The following BNC2 variants were observed in gnomAD, a reference collection of about 807,000 sequenced individuals.
BNC2 encodes the protein basonuclin zinc finger protein 2, also known as zinc finger protein basonuclin-2.
In BNC2, 20 loss-of-function variants were observed where a neutral mutation model predicts 76.3. The ratio of observed to expected loss-of-function variants is 0.26; its 90% confidence interval spans 0.18 to 0.38. The LOEUF (loss-of-function observed/expected upper bound fraction) is 0.38. BNC2 is among the 10% of genes least tolerant of loss of function. The pLI, the probability that BNC2 is intolerant of heterozygous loss-of-function variation, is 1.00. For missense variants in BNC2, 1,382 were observed against 1,399.8 expected (o/e 0.99, Z 0.20); for synonymous variants, 582 against 514.8 (o/e 1.13, Z -1.77).
intron 4 of BNC2, among the ~76,000 whole-genome samples, chr9:16,582,281 C>T (rs1430371236): frequency 6.6e-6 from 1 of 152,102 alleles, no homozygotes. Context: ...AAACCATACA[C>T]AGGAATATGC....
chr9:16,511,091 G>A (rs1406780566), intron 5 of BNC2, among the ~76,000 whole-genome samples: 1 of 148,670 alleles, frequency 6.7e-6, no homozygotes, highest in Non-Finnish European at 1.5e-5. Context: ...AGCTAATGGA[G>A]ATCACTAAAC....
chr9:16,538,795 A>T (rs1307564937), intron 5 of BNC2, among the ~76,000 whole-genome samples: 1 of 152,210 alleles, frequency 6.6e-6, no homozygotes, highest in Non-Finnish European at 1.5e-5. Context: ...TACAACCAAG[A>T]CAGTTGAAAA....
chr9:16,855,884 G>A (rs1454021579), intron 1 of BNC2, among the ~76,000 whole-genome samples: 1 of 151,986 alleles, frequency 6.6e-6, no homozygotes, highest in East Asian at 1.9e-4. Context: ...GTACACAATT[G>A]TCTAATGTTG....
chr9:16,665,367 T>A (rs145500711), intron 3 of BNC2, among the ~76,000 whole-genome samples: 2,027 of 51,458 alleles, frequency 0.039, 80 homozygotes, highest in African/African-American at 0.15. Context: ...TGAACCTCTG[T>A]CTCAAAAAAA....
intron 1 of BNC2, among the ~76,000 whole-genome samples, chr9:16,755,427 T>C (rs923043372): frequency 2.0e-5 from 3 of 152,124 alleles, no homozygotes; most frequent in African/African-American, 7.2e-5. Flanking sequence ...TTAGCTACAT[T>C]ATCCAGGAAA....
Position 16,443,833 on chromosome 9 carries a change from G to A in BNC2, c.670-6309C>T, listed in dbSNP as rs191047530. On this transcript the variant is annotated intron_variant, in intron 5 of 6. Transcript: ENST00000380672. ...TAAAGTGGATTAGTAGTTGCCAGGGGAAAGGGACTGAGTGTAAAGCAACAC... is the reference window on the plus strand; with the variant it reads ...TAAAGTGGATTAGTAGTTGCCAGGGAAAAGGGACTGAGTGTAAAGCAACAC... Among the ~76,000 whole-genome samples the A allele has an allele frequency of 3.9e-5, 6 of 152,330 alleles. No individual in the cohort carries two copies. In the East Asian group the frequency reaches 1.2e-3, roughly 29 times the overall value.
chr9:16,856,737 A>G (rs1298502888), intron 1 of BNC2, among the ~76,000 whole-genome samples: 2 of 152,338 alleles, frequency 1.3e-5, no homozygotes, highest in East Asian at 1.9e-4. Flanking sequence ...AAGCCAATTC[A>G]GCCAAGTATG....
chr9:16,667,080 T>TACACAC lies in BNC2; in HGVS notation c.330+60711_330+60716dup, dbSNP rs139744564. ...AAAGCACACATCACTCAGATACACA[T>TACACAC]ACACACACACACACACACACACACA... On this transcript the variant is annotated intron_variant, in intron 3 of 6. Coordinates refer to ENST00000380672, the MANE Select transcript of BNC2 (RefSeq NM_017637.6). Among the ~76,000 whole-genome samples, 189 of 142,476 alleles carry TACACAC rather than the reference T, an allele frequency of 1.3e-3. 3 individuals carry two copies. In the East Asian group the frequency reaches 0.026, roughly 20 times the overall value. The allele number at this position is 142,476 out of a possible 152,430, so 93.5% of individuals were successfully genotyped here. A position where few individuals can be genotyped will look rare whatever the true frequency, so the allele number is the denominator to read the frequency against.
intron 1 of BNC2, among the ~76,000 whole-genome samples, chr9:16,769,671 A>G (rs947143450): frequency 2.0e-5 from 3 of 152,186 alleles, no homozygotes; most frequent in Non-Finnish European, 4.4e-5. Context: ...TTCCTCATCT[A>G]CAAAATGAGG....
chr9:16,541,041 G>A (rs1368179162), intron 5 of BNC2, among the ~76,000 whole-genome samples: 1 of 152,174 alleles, frequency 6.6e-6, no homozygotes, highest in Non-Finnish European at 1.5e-5. Flanking sequence ...TCTGCAGCAG[G>A]CATAGTAAAG....
intron 3 of BNC2, among the ~76,000 whole-genome samples, chr9:16,692,775 T>C (rs1462164794): frequency 1.3e-5 from 2 of 151,810 alleles, no homozygotes; most frequent in East Asian, 3.9e-4. Flanking sequence ...CTTCCTAGAG[T>C]GATGCTGTGT....
chr9:16,637,425 T>C (rs1272848239), intron 3 of BNC2, among the ~76,000 whole-genome samples: 1 of 152,226 alleles, frequency 6.6e-6, no homozygotes, highest in Non-Finnish European at 1.5e-5. Flanking sequence ...CAAAGCCATC[T>C]ATCCAGAACA....
At chr9:16,637,951 C>A (rs574316469) in intron 3 of BNC2, among the ~76,000 whole-genome samples, 2 of 152,104 alleles carry the variant, frequency 1.3e-5, no homozygotes, top group Non-Finnish European at 2.9e-5. Context: ...AGGGAACATG[C>A]AAAAAATCAG....
At position 16,779,301 on chromosome 9, in the gene BNC2, C is replaced by CA. The variant is rs71327858; in HGVS notation, c.4-40817dup. On this transcript the variant is annotated intron_variant, in intron 1 of 6. Transcript: ENST00000380672. ...CCTGCGTGACAGAGAGACCCTCTCT[C>CA]AAAAAAAAAAAAAAAAAAGATTTTG... Among the ~76,000 whole-genome samples the CA allele has an allele frequency of 2.3e-3, 241 of 105,202 alleles. 2 individuals are homozygous for CA. The highest frequency in any genetic ancestry group is 0.018 in the Middle Eastern group (4 of 226). The allele number at this position is 105,202 out of a possible 152,430, so 69.0% of individuals were successfully genotyped here.
At chr9:16,729,745 T>A (rs1291133319) in intron 2 of BNC2, among the ~76,000 whole-genome samples, 1 of 152,086 alleles carries the variant, frequency 6.6e-6, no homozygotes, top group East Asian at 1.9e-4. Flanking sequence ...GACTGTACCT[T>A]TAGTGCTAGC....
At chr9:16,428,536 T>C (rs879690365) in intron 6 of BNC2, among the ~76,000 whole-genome samples, 3 of 152,254 alleles carry the variant, frequency 2.0e-5, no homozygotes, top group Non-Finnish European at 2.9e-5. Context: ...TAAACACACA[T>C]ATACATTACG....
intron 3 of BNC2, among the ~76,000 whole-genome samples, chr9:16,718,341 T>C (rs570325223): frequency 6.6e-6 from 1 of 152,152 alleles, no homozygotes; most frequent in Non-Finnish European, 1.5e-5. Flanking sequence ...CTACTTACAT[T>C]ATAATAGATG....
At chr9:16,643,986 C>G (rs1230250314) in intron 3 of BNC2, among the ~76,000 whole-genome samples, 1 of 152,162 alleles carries the variant, frequency 6.6e-6, no homozygotes, top group Non-Finnish European at 1.5e-5. Flanking sequence ...AGGGCTACAC[C>G]TATACGCCTG....
intron 1 of BNC2, among the ~76,000 whole-genome samples, chr9:16,749,758 G>A (rs1293841506): frequency 6.6e-6 from 1 of 151,684 alleles, no homozygotes; most frequent in Non-Finnish European, 1.5e-5. Flanking sequence ...TTGGATAGAT[G>A]AAAGATATTA....
Sources: gnomAD v4.1 joint callset for allele counts (sites outside exome capture counted in the v4.1 genomes callset) on GRCh38, gnomAD v4.1.1 for gene constraint, MANE v1.5 for transcripts, NCBI Gene and HGNC (gene_info 2026-07-23, HGNC 2026-07-21) for gene names.